Variants in MPRIP observed in about 807,000 individuals in gnomAD.
MPRIP encodes the protein myosin phosphatase Rho interacting protein.
MPRIP carries 59 observed loss-of-function variants against 234.9 expected under a neutral mutation model. The ratio of observed to expected loss-of-function variants is 0.25; its 90% CI spans 0.20 to 0.31. MPRIP has a LOEUF of 0.31. Among genes scored for constraint, MPRIP ranks in the 10% least tolerant of loss-of-function variants. MPRIP has a pLI of 1.00. For missense variants in MPRIP, 2,436 were observed against 3,071.0 expected (o/e 0.79, Z 4.89); for synonymous variants, 1,144 against 1,263.9 (o/e 0.91, Z 2.01).
Position 17,154,293 on chromosome 17 carries a change from C to G in MPRIP, c.1720-13C>G. 6.2e-7 allele frequency: 1 copy of G among 1,613,014 alleles called. No homozygotes were observed. The highest frequency in any genetic ancestry group is 8.5e-7 in the Non-Finnish European group (1 of 1,179,316). Reference sequence around the variant, plus strand: ...GGGACAGTCACTGATGGTGCCTCATCTTTTCTCTGTAGACAAAGGAGGGCG... The same window carrying G: ...GGGACAGTCACTGATGGTGCCTCATGTTTTCTCTGTAGACAAAGGAGGGCG... On this transcript the variant is annotated splice_polypyrimidine_tract_variant and intron_variant, in intron 12 of 23. Transcript: ENST00000651222.
chr17:17,048,708 G>A (rs2088436164), intron 1 of MPRIP, among the ~76,000 whole-genome samples: 1 of 152,226 alleles, frequency 6.6e-6, no homozygotes, highest in African/African-American at 2.4e-5. Context: ...ATGTGAAGAA[G>A]TTATAACTCT....
intron 3 of MPRIP, among the ~76,000 whole-genome samples, chr17:17,081,566 C>G (rs1474126955): frequency 2.0e-5 from 3 of 152,224 alleles, no homozygotes; most frequent in African/African-American, 7.2e-5. Context: ...GTTACCTCAG[C>G]CCCACTGGGT....
Position 17,177,300 on chromosome 17 carries a change from C to T in MPRIP, c.7008C>T (p.Ser2336=). ...DKYKDIYTEL[S]IAKAKADCDI... ...ACAAAGACATCTACACAGAGCTCAG[C>T]ATCGCGAAGGCTAAGGCTGACTGTG... The change falls in exon 22 of 24, where the codon AGC becomes AGT. Residue 2336 remains serine (S), a synonymous_variant. Transcript: ENST00000651222. The T allele has an allele frequency of 6.2e-7, 1 of 1,614,064 alleles. No homozygotes were observed. Among genetic ancestry groups the T allele is most frequent in the Non-Finnish European group, 8.5e-7 (1 of 1,180,028 alleles).
At chr17:17,071,181 C>T (rs148850028) in intron 1 of MPRIP, among the ~76,000 whole-genome samples, 37 of 152,338 alleles carry the variant, frequency 2.4e-4, no homozygotes, top group Middle Eastern at 6.8e-3. Context: ...GGAAGTCCAA[C>T]CTTTGCTCAC....
chr17:17,051,819 A>G lies in MPRIP; in HGVS notation c.123+8848A>G, dbSNP rs564415146. On this transcript the variant is annotated intron_variant, in intron 1 of 23. Coordinates refer to ENST00000651222, the MANE Select transcript of MPRIP (RefSeq NM_001364716.4). ...TGGTTTTCTCAGTCAGGGTCATCCT[A>G]GTTCACATGAAACCACAGCCTGGTT... Among the ~76,000 whole-genome samples the G allele has an allele frequency of 5.9e-5, 9 of 152,360 alleles. No individual in the cohort carries two copies. In the East Asian group the frequency reaches 1.5e-3, roughly 26 times the overall value.
chr17:17,123,012 G>A (rs377270231), intron 3 of MPRIP, among the ~76,000 whole-genome samples: 2 of 152,324 alleles, frequency 1.3e-5, no homozygotes, highest in African/African-American at 2.4e-5. Context: ...CGGTATAGCC[G>A]CACAATGGAA....
Position 17,085,228 on chromosome 17 carries a change from G to A in MPRIP, c.267+7152G>A, listed in dbSNP as rs533905288. On this transcript the variant is annotated intron_variant, in intron 3 of 23. Transcript: ENST00000651222. ...TGTGTAGGCACCTCCCGGGCTATTC[G>A]GACCACAGGAAGCCCTGTGTTCTTT... 3.3e-5 allele frequency among the ~76,000 whole-genome samples: 5 copies of A among 152,238 alleles called. No homozygotes were observed. In the East Asian group the frequency reaches 9.7e-4, roughly 29 times the overall value.
chr17:17,165,507 G>T lies in MPRIP; in HGVS notation c.3916G>T (p.Gly1306Cys). ...EVLDREGHQQ[G>C]TAKLDQGAPG... ...GCTTGACAGGGAGGGCCATCAGCAGGGCACAGCCAAACTCGACCAAGGGGC... is the reference window on the plus strand; with the variant it reads ...GCTTGACAGGGAGGGCCATCAGCAGTGCACAGCCAAACTCGACCAAGGGGC... The change falls in exon 16 of 24, where the codon GGC becomes TGC. Residue 1306 changes from glycine to cysteine, a missense_variant. This residue lies in a region of MPRIP where 1,998 missense variants were observed against 2,520.3 expected (regional missense o/e 0.79). Transcript: ENST00000651222. 2.3e-6 allele frequency: 3 copies of T among 1,304,370 alleles called. No homozygotes were observed. Among genetic ancestry groups the T allele is most frequent in the Non-Finnish European group, 3.0e-6 (3 of 988,972 alleles). The allele number at this position is 1,304,370 out of a possible 1,614,324, so 80.8% of individuals were successfully genotyped here.
At chr17:17,142,505 C>G in intron 7 of MPRIP, 122 bp from the exon 8 acceptor site, 2 of 1,177,154 alleles carry the variant, frequency 1.7e-6, no homozygotes, top group Non-Finnish European at 2.4e-6. Context: ...TAGACAACCT[C>G]GGTGCTGTGC....
chr17:17,162,970 C>T (rs1010570676), intron 15 of MPRIP, among the ~76,000 whole-genome samples: 1 of 152,240 alleles, frequency 6.6e-6, no homozygotes, highest in African/African-American at 2.4e-5. Context: ...TGCATAATTG[C>T]ATGAGCCTAC....
intron 3 of MPRIP, among the ~76,000 whole-genome samples, chr17:17,084,639 C>T (rs1467406546): frequency 6.6e-6 from 1 of 152,222 alleles, no homozygotes; most frequent in African/African-American, 2.4e-5. Context: ...AGAGGCCGCT[C>T]CACCAGCACC....
chr17:17,066,279 A>G (rs1314302864), intron 1 of MPRIP, among the ~76,000 whole-genome samples: 1 of 152,172 alleles, frequency 6.6e-6, no homozygotes, highest in East Asian at 1.9e-4. Context: ...TTATTTAGAG[A>G]TGCTTTTATG....
In MPRIP at chr17:17,059,643, A is replaced by G. The variant is rs144085842; in HGVS notation, c.124-16067A>G. 2.1e-4 allele frequency among the ~76,000 whole-genome samples: 32 copies of G among 152,296 alleles called. No individual in the cohort carries two copies. The East Asian group carries it at 5.6e-3, about 27-fold the overall frequency. ...CCCTTTGCTCCCTGGCATGGTGCTG[A>G]GTTCCTTTCCCTTTGCACCACCTTT... On this transcript the variant is annotated intron_variant, in intron 1 of 23. Transcript: ENST00000651222.
chr17:17,118,079 G>T (rs983030918), intron 3 of MPRIP, among the ~76,000 whole-genome samples: 1 of 152,230 alleles, frequency 6.6e-6, no homozygotes, highest in African/African-American at 2.4e-5. Context: ...AGCCCCATGA[G>T]CTGGTCTCCC....
intron 11 of MPRIP, among the ~76,000 whole-genome samples, chr17:17,149,219 G>A (rs1403324533): frequency 6.6e-6 from 1 of 152,138 alleles, no homozygotes; most frequent in African/African-American, 2.4e-5. Context: ...GTTGTCCGGG[G>A]GCGGTGGCTC....
intron 14 of MPRIP, among the ~76,000 whole-genome samples, chr17:17,159,724 G>A (rs1444740690): frequency 2.0e-5 from 3 of 152,208 alleles, no homozygotes; most frequent in Admixed American, 2.0e-4. Context: ...TAGCTGGGGA[G>A]GTGTAGCGTT....
Position 17,176,509 on chromosome 17 carries a change from G to A in MPRIP, c.6954G>A (p.Leu2318=), listed in dbSNP as rs763913731. 2.5e-6 allele frequency: 4 copies of A among 1,613,418 alleles called. No homozygotes were observed. Among genetic ancestry groups the A allele is most frequent in the African/African-American group, 2.7e-5 (2 of 74,932 alleles). The change falls in exon 21 of 24, where the codon CTG becomes CTA. Residue 2318 remains leucine, a synonymous_variant. Coordinates refer to ENST00000651222, the MANE Select transcript of MPRIP (RefSeq NM_001364716.4). ...TCAAGGATGAGCTGCAGACGGCACT[G>A]CGGGTAAGGCCACCGCACCACAGGA... is the stretch of plus-strand genomic sequence containing the variant. ...SSLKDELQTA[L]RDKKYASDKY...
At chr17:17,157,774 G>A (rs1397756942) in intron 13 of MPRIP, among the ~76,000 whole-genome samples, 1 of 151,484 alleles carries the variant, frequency 6.6e-6, no homozygotes, top group Non-Finnish European at 1.5e-5. Context: ...GTTGTGGTGA[G>A]CCGAGATCGC....
At chr17:17,130,962 G>C (rs1026355150) in intron 4 of MPRIP, among the ~76,000 whole-genome samples, 20 of 152,184 alleles carry the variant, frequency 1.3e-4, no homozygotes, top group Non-Finnish European at 1.0e-4. Context: ...ATTGTGCTGG[G>C]ATAGTGGCAG....
Sources: allele counts gnomAD v4.1 joint callset (sites outside exome capture counted in the v4.1 genomes callset), GRCh38; gene constraint gnomAD v4.1.1; regional missense constraint gnomAD v4.1.1; transcripts MANE v1.5; gene names NCBI Gene and HGNC (gene_info 2026-07-23, HGNC 2026-07-21).